The following FARP2 variants were observed in gnomAD, a reference collection of about 807,000 sequenced individuals.
The protein encoded by FARP2 is FERM, ARH/RhoGEF and pleckstrin domain protein 2.
Under a neutral mutation model 130.5 loss-of-function variants are expected in FARP2, and 111 were observed. That is an observed-to-expected ratio of 0.85 (90% CI 0.73 to 1.00). FARP2 has a LOEUF of 1.00. FARP2 is among the 50% of genes least tolerant of loss of function. The pLI is 0.00. For missense variants in FARP2, 1,385 were observed against 1,346.3 expected, an observed-to-expected ratio of 1.03 and a Z score of -0.45; for synonymous variants, 504 against 516.9, an observed-to-expected ratio of 0.98 and a Z score of 0.34.
intron 26 of FARP2, 49 bp downstream of exon 26, chr2:241,493,493 C>T (rs771378133): frequency 6.3e-7 from 1 of 1,578,186 alleles, no homozygotes; most frequent in Non-Finnish European, 8.7e-7. Context: ...TCGATGTCCG[C>T]TCAGCTCCCA....
intron 26 of FARP2, 156 bp from the exon 27 acceptor site, chr2:241,493,852 C>T: frequency 3.6e-6 from 2 of 551,010 alleles, no homozygotes; most frequent in Non-Finnish European, 6.5e-6. Context: ...CTGCCTCAGC[C>T]TCCCAAAGTG....
chr2:241,409,918 A>G (rs116545172), intron 5 of FARP2, among the ~76,000 whole-genome samples: 3,345 of 152,298 alleles, frequency 0.022, 64 homozygotes, highest in Non-Finnish European at 0.033. Context: ...CTATGGGAAT[A>G]TTAGTCTAGG....
chr2:241,434,956 T>A lies in FARP2; in HGVS notation c.1032-6T>A, dbSNP rs1226012058. 2.2e-5 allele frequency: 33 copies of A among 1,524,878 alleles called. No individual in the cohort carries two copies. In the Admixed American group the frequency reaches 5.9e-4, roughly 27 times the overall value. The allele number at this position is 1,524,878 out of a possible 1,614,324, so 94.5% of individuals were successfully genotyped here. A position where few individuals can be genotyped will look rare whatever the true frequency, so the allele number is the denominator to read the frequency against. ...CTTTATTAAAAATCTGAATCTTTAT[T>A]CACAGTGGAAGAACTCAGAAACAAC... On this transcript the variant is annotated splice_polypyrimidine_tract_variant and splice_region_variant and intron_variant, in intron 10 of 26. Transcript: ENST00000264042.
rs564862383 is a variant in FARP2 at position 241,407,050 on chromosome 2, C to T, written c.332-487C>T. The stretch of plus-strand genomic sequence containing the variant: ...GTCTCGATCTCCTGACCTTGTGATC[C>T]GCCCCCCTCAGCCTCCCAAAGTGCT... On this transcript the variant is annotated intron_variant, in intron 4 of 26. Coordinates refer to ENST00000264042, the MANE Select transcript of FARP2 (RefSeq NM_014808.4). Among the ~76,000 whole-genome samples, 8 of 152,122 alleles carry T rather than the reference C, an allele frequency of 5.3e-5. No individual in the cohort carries two copies. In the East Asian group the frequency reaches 5.8e-4, roughly 11 times the overall value.
chr2:241,410,515 T>C (rs2062489236), intron 5 of FARP2, among the ~76,000 whole-genome samples: 1 of 150,958 alleles, frequency 6.6e-6, no homozygotes, highest in African/African-American at 2.4e-5. Context: ...CACTGCAACC[T>C]CTGCATCCGG....
chr2:241,438,778 C>T (rs376584142), intron 12 of FARP2, among the ~76,000 whole-genome samples: 3 of 133,188 alleles, frequency 2.3e-5, no homozygotes, highest in Admixed American at 8.0e-5. Flanking sequence ...TACAGGTGCC[C>T]GCCACCATGC....
intron 14 of FARP2, among the ~76,000 whole-genome samples, chr2:241,458,617 GAT>G (rs888899139): frequency 2.6e-5 from 4 of 151,978 alleles, no homozygotes; most frequent in Admixed American, 2.6e-4. Flanking sequence ...TTCCAAAAAA[GAT>G]GTCTTTTTAT....
At chr2:241,487,756 T>TTTTTTTC (rs908140465) in intron 21 of FARP2, among the ~76,000 whole-genome samples, 5 of 119,890 alleles carry the variant, frequency 4.2e-5, no homozygotes, top group Non-Finnish European at 8.9e-5. Context: ...CTTTTTTTTT[T>TTTTTTTC]TTTTTTTTTT....
At chr2:241,383,132 C>T (rs889754563) in intron 2 of FARP2, among the ~76,000 whole-genome samples, 2 of 152,204 alleles carry the variant, frequency 1.3e-5, no homozygotes, top group Non-Finnish European at 2.9e-5. Context: ...ACGTGTTTGG[C>T]AGGTATTTGC....
At position 241,441,196 on chromosome 2, in the gene FARP2, G is replaced by C. The variant is rs1054699519; in HGVS notation, c.1159-108G>C. ...TGAATTGCCCATTTTCATGAAAGCT[G>C]TGATAGAAATGTGTGGATGCCCTAA... On this transcript the variant is annotated intron_variant, in intron 12 of 26. Transcript: ENST00000264042. 8 of 965,624 alleles carry C rather than the reference G, an allele frequency of 8.3e-6. No individual in the cohort carries two copies. In the African/African-American group the frequency reaches 1.2e-4, roughly 14 times the overall value. The allele number at this position is 965,624 out of a possible 1,614,324, so 59.8% of individuals were successfully genotyped here. A position where few individuals can be genotyped will look rare whatever the true frequency, so the allele number is the denominator to read the frequency against.
intron 3 of FARP2, 123 bp from the exon 4 acceptor site, chr2:241,404,676 T>C (rs2062284522): frequency 1.5e-6 from 1 of 657,396 alleles, no homozygotes; most frequent in Admixed American, 2.5e-5. Context: ...AGAGGGGGGG[T>C]AGAGTCAAAA....
chr2:241,387,880 TA>T (rs2061825172), intron 2 of FARP2, among the ~76,000 whole-genome samples: 1 of 151,908 alleles, frequency 6.6e-6, no homozygotes, highest in Admixed American at 6.6e-5. Context: ...AAAAGAACCT[TA>T]AAACTTGTAC....
chr2:241,465,555 C>T, intron 17 of FARP2: 1 of 1,550,568 alleles, frequency 6.4e-7, no homozygotes, highest in Non-Finnish European at 8.7e-7. Context: ...TGAGATTTCT[C>T]TTCAATAGGA....
chr2:241,478,581 A>AT (rs1260168955), intron 19 of FARP2: 2 of 497,246 alleles, frequency 4.0e-6, no homozygotes, highest in Admixed American at 4.2e-5. Context: ...GACCCCACCT[A>AT]TTTTGGGCCT....
At chr2:241,436,381 T>G in intron 11 of FARP2, 100 bp from the exon 12 acceptor site, 1 of 974,174 alleles carries the variant, frequency 1.0e-6, no homozygotes, top group Non-Finnish European at 1.6e-6. Flanking sequence ...CATTTTCTTG[T>G]GAGGTTTTCT....
At chr2:241,425,927 A>T (rs1559757746) in intron 8 of FARP2, among the ~76,000 whole-genome samples, 1 of 145,840 alleles carries the variant, frequency 6.9e-6, no homozygotes, top group Non-Finnish European at 1.5e-5. Context: ...GCATTTGGCG[A>T]TTTTTTTTTT....
chr2:241,467,676 C>T (rs1473089988), intron 17 of FARP2, among the ~76,000 whole-genome samples: 1 of 151,996 alleles, frequency 6.6e-6, no homozygotes, highest in East Asian at 1.9e-4. Context: ...GTGGTTATTC[C>T]CTCTGTCCAG....
In FARP2 at chr2:241,434,932, T is replaced by C. The variant is rs376499728; in HGVS notation, c.1032-30T>C. 4.9e-5 allele frequency: 65 copies of C among 1,330,238 alleles called. No homozygotes were observed. The Middle Eastern group carries it at 1.3e-3, about 26-fold the overall frequency. 82.4% of individuals were successfully genotyped at this position (1,330,238 alleles called of 1,614,324 possible). A position where few individuals can be genotyped will look rare whatever the true frequency, so the allele number is the denominator to read the frequency against. ...AAAAATTAATGCTGACTTACTGTTC[T>C]TTATTAAAAATCTGAATCTTTATTC... On this transcript the variant is annotated intron_variant, in intron 10 of 26. Transcript: ENST00000264042.
intron 13 of FARP2, among the ~76,000 whole-genome samples, chr2:241,450,677 A>G (rs2063630633): frequency 1.3e-5 from 2 of 151,416 alleles, no homozygotes; most frequent in African/African-American, 4.9e-5. Context: ...GTCTCAAAAA[A>G]GGCTGGGCAT....
Sources: allele counts gnomAD v4.1 joint callset (sites outside exome capture counted in the v4.1 genomes callset), GRCh38; gene constraint gnomAD v4.1.1; transcripts MANE v1.5; gene names NCBI Gene and HGNC (gene_info 2026-07-23, HGNC 2026-07-21).